Variants in ARHGEF17 observed in about 807,000 individuals in gnomAD.
The protein encoded by ARHGEF17 is Rho guanine nucleotide exchange factor 17, also known as 164 kDa Rho-specific guanine-nucleotide exchange factor.
In ARHGEF17, 80 loss-of-function variants were observed where a neutral mutation model predicts 174.0. That is an observed-to-expected ratio of 0.46 (90% CI 0.38 to 0.55). The LOEUF (loss-of-function observed/expected upper bound fraction) is 0.55. Ranked by LOEUF, ARHGEF17 falls within the 20% of genes least tolerant of loss-of-function variation. ARHGEF17 has a pLI of 0.00. For synonymous variants in ARHGEF17, 1,311 were observed against 1,189.1 expected, an observed-to-expected ratio of 1.10 and a Z score of -2.11; for missense variants, 2,886 against 2,839.7, an observed-to-expected ratio of 1.02 and a Z score of -0.37.
At position 73,310,633 on chromosome 11, in the gene ARHGEF17, A is replaced by G. The variant is rs1477517569; in HGVS notation, c.1995A>G (p.Thr665=). ...CAGCATTTTGCGGCCTGGGTACCAC[A>G]GGGATGTGGCGACCTCTTTCCTCAT... ...PVAAFCGLGT[T]GMWRPLSSSS... Residue 665 remains threonine, a synonymous_variant, in exon 1 of 21, where the codon ACA becomes ACG. Transcript: ENST00000263674. 17 of 1,614,120 alleles carry G rather than the reference A, an allele frequency of 1.1e-5. No homozygotes were observed. The highest frequency in any genetic ancestry group is 1.2e-5 in the Non-Finnish European group (14 of 1,180,018).
intron 1 of ARHGEF17, among the ~76,000 whole-genome samples, chr11:73,338,654 G>A (rs1184379942): frequency 6.6e-6 from 1 of 152,078 alleles, no homozygotes; most frequent in Non-Finnish European, 1.5e-5. Context: ...AACAAAGGAG[G>A]CTGAAGAAAG....
intron 5 of ARHGEF17, 94 bp from the exon 6 acceptor site, chr11:73,356,081 C>A: frequency 6.4e-7 from 1 of 1,572,348 alleles, no homozygotes; most frequent in South Asian, 1.1e-5. Flanking sequence ...AAAGATAGTC[C>A]TCTTTGGTGT....
At chr11:73,323,848 G>T (rs908226687) in intron 1 of ARHGEF17, among the ~76,000 whole-genome samples, 6 of 152,254 alleles carry the variant, frequency 3.9e-5, no homozygotes, top group African/African-American at 1.2e-4. Flanking sequence ...TGCCTGGGCA[G>T]TGGAGGGTCT....
intron 13 of ARHGEF17, 86 bp from the exon 14 acceptor site, chr11:73,362,347 A>T (rs999727121): frequency 6.9e-7 from 1 of 1,446,286 alleles, no homozygotes; most frequent in Admixed American, 2.7e-5. Context: ...GGGCCCGGCG[A>T]GTGTGGGCGG....
chr11:73,317,345 C>T (rs752194021), intron 1 of ARHGEF17, among the ~76,000 whole-genome samples: 9 of 152,196 alleles, frequency 5.9e-5, no homozygotes, highest in Non-Finnish European at 8.8e-5. Flanking sequence ...CCTCCAGCTA[C>T]GTGGGCATTG....
chr11:73,366,227 G>A (rs1865836591), intron 20 of ARHGEF17, among the ~76,000 whole-genome samples: 1 of 152,148 alleles, frequency 6.6e-6, no homozygotes, highest in African/African-American at 2.4e-5. Context: ...CTAAGAGGTA[G>A]AATATGTCAC....
intron 1 of ARHGEF17, among the ~76,000 whole-genome samples, chr11:73,323,864 G>C (rs921521125): frequency 6.6e-6 from 1 of 152,214 alleles, no homozygotes; most frequent in Admixed American, 6.5e-5. Flanking sequence ...GGTCTCTGCT[G>C]GTCCCCTGGG....
At position 73,359,968 on chromosome 11, in the gene ARHGEF17, C is replaced by G; in HGVS notation, c.4206+16C>G. ...CCCCCACCAGGTCTGTGCCCTCTGCCTGACACTGGGGAGCCAGAGGGTGGG... is the reference window on the plus strand; with the variant it reads ...CCCCCACCAGGTCTGTGCCCTCTGCGTGACACTGGGGAGCCAGAGGGTGGG... On this transcript the variant is annotated intron_variant, in intron 10 of 20. Coordinates refer to ENST00000263674, the MANE Select transcript of ARHGEF17 (RefSeq NM_014786.4). 4 of 1,587,002 alleles carry G rather than the reference C, an allele frequency of 2.5e-6. No homozygotes were observed. The South Asian group carries it at 4.6e-5, about 18-fold the overall frequency.
chr11:73,351,041 G>A (rs772780661), intron 2 of ARHGEF17, among the ~76,000 whole-genome samples: 2 of 152,190 alleles, frequency 1.3e-5, no homozygotes, highest in Admixed American at 6.5e-5. Flanking sequence ...GCCCGCTTCT[G>A]TGTGGGGTGC....
intron 3 of ARHGEF17, 48 bp from the exon 4 acceptor site, chr11:73,355,485 G>A (rs1865621947): frequency 8.0e-7 from 1 of 1,257,604 alleles, no homozygotes; most frequent in Non-Finnish European, 1.2e-6. Flanking sequence ...AGGGTGAGGT[G>A]GGGTGAGGGA....
chr11:73,362,118 G>A lies in ARHGEF17; in HGVS notation c.4573G>A (p.Val1525Met). The A allele has an allele frequency of 2.5e-6, 4 of 1,612,230 alleles. No individual in the cohort carries two copies. Among genetic ancestry groups the A allele is most frequent in the Non-Finnish European group, 2.5e-6 (3 of 1,179,796 alleles). ...EVWVCNSDGY[V>M]GQVCLLSLRA... ...ATGGGTCTGCAACAGCGACGGCTAC[G>A]TGGGCCAGGTGTGCCTGCTGAGCCT... Residue 1525 changes from valine (V) to methionine (M), a missense_variant, in exon 13 of 21, where the codon GTG (valine) becomes ATG (methionine). Coordinates refer to ENST00000263674, the MANE Select transcript of ARHGEF17 (RefSeq NM_014786.4).
At position 73,365,485 on chromosome 11, in the gene ARHGEF17, C is replaced by T. The variant is rs371853193; in HGVS notation, c.5646C>T (p.His1882=). Residue 1882 remains histidine, a synonymous_variant, in exon 19 of 21, where the codon CAC becomes CAT. Transcript: ENST00000263674. This position sits in a 1 kb window ranked among gnomAD's most constrained non-coding sequence, Gnocchi z 4.9. ...GGGTGACATTGAAAGGTAGTGCCCA[C>T]GTGTGTCTCTACCATCCAGACACCT... ...GVWVTLKGSA[H]VCLYHPDTFE... 14 of 1,613,976 alleles carry T rather than the reference C, an allele frequency of 8.7e-6. No homozygotes were observed. The African/African-American group carries it at 9.3e-5, about 11-fold the overall frequency.
chr11:73,354,872 C>T (rs145065493), intron 3 of ARHGEF17, among the ~76,000 whole-genome samples: 259 of 152,348 alleles, frequency 1.7e-3, no homozygotes, highest in African/African-American at 6.0e-3. Context: ...CCGCCATCAG[C>T]ATCAAGCAGG....
rs201130682 is a variant in ARHGEF17, at chr11:73,309,772, C to T, written c.1134C>T (p.Pro378=). The T allele has an allele frequency of 3.1e-6, 5 of 1,613,042 alleles. No individual in the cohort carries two copies. In the African/African-American group the frequency reaches 4.0e-5, roughly 13 times the overall value. ...TCCGTGTGGCCAAGGTGAGCTTTCCCTCGTACCTGGCCAGCCCCGCAGGCT... is the reference window on the plus strand; with the variant it reads ...TCCGTGTGGCCAAGGTGAGCTTTCCTTCGTACCTGGCCAGCCCCGCAGGCT... ...GAFRVAKVSF[P]SYLASPAGSR... is the part of the protein sequence containing the mutation. The change falls in exon 1 of 21, where the codon CCC becomes CCT. Residue 378 remains proline, a synonymous_variant. Coordinates refer to ENST00000263674, the MANE Select transcript of ARHGEF17 (RefSeq NM_014786.4).
chr11:73,318,515 C>T (rs1391777888), intron 1 of ARHGEF17, among the ~76,000 whole-genome samples: 1 of 151,948 alleles, frequency 6.6e-6, no homozygotes, highest in Non-Finnish European at 1.5e-5. Flanking sequence ...CCTGTGGTCC[C>T]GCTACTCGAG....
At chr11:73,343,031 G>A (rs1271890541) in intron 1 of ARHGEF17, 3 of 272,362 alleles carry the variant, frequency 1.1e-5, no homozygotes, top group Non-Finnish European at 2.1e-5. Context: ...CGCCGCGGCC[G>A]GGCTGAGCCC....
intron 1 of ARHGEF17, among the ~76,000 whole-genome samples, chr11:73,343,964 C>G (rs1050526977): frequency 1.3e-5 from 2 of 152,210 alleles, no homozygotes; most frequent in African/African-American, 4.8e-5. Flanking sequence ...GGCGGCTTGC[C>G]TTTATGGCGT....
chr11:73,357,796 C>G (rs374297990), intron 9 of ARHGEF17, among the ~76,000 whole-genome samples: 46 of 152,338 alleles, frequency 3.0e-4, no homozygotes, highest in African/African-American at 9.6e-4. Flanking sequence ...CCAGGAGCCG[C>G]TCCTCCTGCG....
chr11:73,326,873 T>C (rs1326649058), intron 1 of ARHGEF17, among the ~76,000 whole-genome samples: 1 of 152,122 alleles, frequency 6.6e-6, no homozygotes, highest in African/African-American at 2.4e-5. Context: ...TCTCACGCCA[T>C]GTATTTCCAT....
Sources: allele counts gnomAD v4.1 joint callset (sites outside exome capture counted in the v4.1 genomes callset), GRCh38; gene constraint gnomAD v4.1.1; non-coding constraint Gnocchi (gnomAD v3.1); transcripts MANE v1.5; gene names NCBI Gene and HGNC (gene_info 2026-07-23, HGNC 2026-07-21).